Variants in CDH7 observed in about 807,000 individuals in gnomAD.
CDH7 encodes the protein cadherin 7, also known as cadherin-7.
In CDH7, 25 loss-of-function variants were observed where a neutral mutation model predicts 71.8. The ratio of observed to expected loss-of-function variants is 0.35; its 90% CI spans 0.25 to 0.49. CDH7 has a LOEUF of 0.49. Ranked by LOEUF, CDH7 falls within the 20% of genes least tolerant of loss-of-function variation. The pLI, the probability that CDH7 is intolerant of heterozygous loss-of-function variation, is 0.99. For missense variants in CDH7, 862 were observed against 974.6 expected (o/e 0.88, Z 1.54); for synonymous variants, 381 against 363.8 (o/e 1.05, Z -0.54).
intron 2 of CDH7, among the ~76,000 whole-genome samples, chr18:65,775,544 A>G (rs1394739258): frequency 6.6e-6 from 1 of 152,190 alleles, no homozygotes; most frequent in Non-Finnish European, 1.5e-5. Context: ...TTTTAAAACA[A>G]CCTAAAGGAT....
chr18:65,810,957 C>A (rs115987134), intron 3 of CDH7, among the ~76,000 whole-genome samples: 2,438 of 152,070 alleles, frequency 0.016, 50 homozygotes, highest in African/African-American at 0.055. Flanking sequence ...ATCGAATAAT[C>A]AAAATTCTCT....
intron 2 of CDH7, among the ~76,000 whole-genome samples, chr18:65,781,569 G>T (rs1043720277): frequency 2.0e-5 from 3 of 151,912 alleles, no homozygotes; most frequent in South Asian, 4.2e-4. Flanking sequence ...CTACATTGTT[G>T]GAGAGAAGGA....
intron 7 of CDH7, 109 bp downstream of exon 7, chr18:65,844,174 G>GATAGATAT: frequency 9.1e-6 from 2 of 220,090 alleles, no homozygotes; most frequent in South Asian, 7.5e-5. Context: ...ATAAAAACCA[G>GATAGATAT]ATATATATAT....
intron 2 of CDH7, among the ~76,000 whole-genome samples, chr18:65,771,004 G>A (rs981088623): frequency 6.6e-6 from 1 of 152,116 alleles, no homozygotes; most frequent in African/African-American, 2.4e-5. Context: ...GAGTGCTCTT[G>A]GCTTGAGGAC....
At chr18:65,861,616 T>C (rs893162751) in intron 10 of CDH7, among the ~76,000 whole-genome samples, 2 of 152,234 alleles carry the variant, frequency 1.3e-5, no homozygotes, top group African/African-American at 4.8e-5. Context: ...AGATGGAATC[T>C]GAAAATCAAA....
At chr18:65,766,268 A>C (rs1452527838) in intron 2 of CDH7, among the ~76,000 whole-genome samples, 2 of 152,198 alleles carry the variant, frequency 1.3e-5, no homozygotes, top group Non-Finnish European at 2.9e-5. Context: ...AGTCCATGTT[A>C]ATGGCAGGTG....
chr18:65,844,184 T>TATATATATATATAC, intron 7 of CDH7, 119 bp downstream of exon 7: 1 of 255,744 alleles, frequency 3.9e-6, no homozygotes, highest in Non-Finnish European at 7.1e-6. Context: ...GATATATATA[T>TATATATATATATAC]ATATCGAGTT....
intron 2 of CDH7, among the ~76,000 whole-genome samples, chr18:65,808,961 A>G (rs1160785140): frequency 6.6e-6 from 1 of 152,204 alleles, no homozygotes; most frequent in Non-Finnish European, 1.5e-5. Flanking sequence ...CAGCAGGGAC[A>G]GTTCCAGATG....
chr18:65,758,583 C>T (rs1417798519), intron 1 of CDH7, among the ~76,000 whole-genome samples: 13 of 152,154 alleles, frequency 8.5e-5, no homozygotes, highest in Admixed American at 5.2e-4. Context: ...AAGAAAATTT[C>T]GTCCTCTGAT....
chr18:65,868,563 G>A (rs1404641545), intron 11 of CDH7, among the ~76,000 whole-genome samples: 1 of 152,162 alleles, frequency 6.6e-6, no homozygotes. Flanking sequence ...GCCAAATTAG[G>A]TGCAGGAGTA....
chr18:65,799,697 C>G (rs1347601292), intron 2 of CDH7, among the ~76,000 whole-genome samples: 2 of 151,588 alleles, frequency 1.3e-5, no homozygotes, highest in Non-Finnish European at 2.9e-5. Flanking sequence ...AAGTACAATC[C>G]CACTCTGATC....
At chr18:65,839,532 TG>T (rs986091951) in intron 6 of CDH7, among the ~76,000 whole-genome samples, 10 of 152,150 alleles carry the variant, frequency 6.6e-5, no homozygotes, top group African/African-American at 1.7e-4. Context: ...TTGTGGTGGT[TG>T]GGGGGCGGAC....
At chr18:65,792,767 C>T (rs901212173) in intron 2 of CDH7, among the ~76,000 whole-genome samples, 1 of 152,130 alleles carries the variant, frequency 6.6e-6, no homozygotes, top group Non-Finnish European at 1.5e-5. Flanking sequence ...TTCTGTTAGG[C>T]CTGCAAGAAA....
chr18:65,849,220 A>G (rs1013944261), intron 7 of CDH7, among the ~76,000 whole-genome samples: 2 of 152,106 alleles, frequency 1.3e-5, no homozygotes, highest in Non-Finnish European at 2.9e-5. Context: ...AAAAGAAAGT[A>G]TATGTTCATG....
At chr18:65,846,984 T>TATTGACA (rs1166424476) in intron 7 of CDH7, among the ~76,000 whole-genome samples, 1 of 151,608 alleles carries the variant, frequency 6.6e-6, no homozygotes, top group East Asian at 1.9e-4. Flanking sequence ...ACATAGCATT[T>TATTGACA]TATATGCAAC....
intron 6 of CDH7, among the ~76,000 whole-genome samples, chr18:65,831,001 T>C (rs1912330711): frequency 6.6e-6 from 1 of 152,130 alleles, no homozygotes; most frequent in Admixed American, 6.5e-5. Context: ...CAAAACTATA[T>C]ATTTTTATTA....
intron 9 of CDH7, 34 bp downstream of exon 9, chr18:65,859,080 G>A (rs778588459): frequency 5.0e-6 from 8 of 1,601,942 alleles, no homozygotes; most frequent in Non-Finnish European, 6.8e-6. Flanking sequence ...CTTCTAATTT[G>A]TGGTTTCTTA....
intron 6 of CDH7, among the ~76,000 whole-genome samples, chr18:65,836,065 G>A (rs1452474857): frequency 6.6e-6 from 1 of 152,148 alleles, no homozygotes; most frequent in African/African-American, 2.4e-5. Context: ...GAGGCTATGA[G>A]CCAAGAATAC....
In CDH7 at chr18:65,883,729, C is replaced by G. The variant is rs1429827141; in HGVS notation, c.*2835C>G. The G allele has an allele frequency of 6.6e-6, 1 of 151,960 alleles. No homozygotes were observed. The highest frequency in any genetic ancestry group is 1.5e-5 in the Non-Finnish European group (1 of 67,940). The allele number at this position is 151,960 out of a possible 1,614,324, so 9.4% of individuals were successfully genotyped here. ...AAGTTGTTAAACATTTACCAGCACT[C>G]TACTGCTTAAATTATTTTATAAAAT... is the stretch of plus-strand genomic sequence containing the variant. On this transcript the variant is annotated 3_prime_UTR_variant, in exon 12 of 12. Transcript: ENST00000397968.
Sources: gnomAD v4.1 joint callset for allele counts (sites outside exome capture counted in the v4.1 genomes callset) on GRCh38, gnomAD v4.1.1 for gene constraint, MANE v1.5 for transcripts, NCBI Gene and HGNC (gene_info 2026-07-23, HGNC 2026-07-21) for gene names.